The following FOXP3 variants were observed in gnomAD, a reference collection of about 807,000 sequenced individuals.
FOXP3 encodes the protein forkhead box P3.
A neutral mutation model predicts 31.2 loss-of-function variants in FOXP3; 5 were observed. That is an observed-to-expected ratio of 0.16 (90% CI 0.08 to 0.34). The LOEUF (loss-of-function observed/expected upper bound fraction) is 0.34. Among genes scored for constraint, FOXP3 ranks in the 10% least tolerant of loss-of-function variants. FOXP3 has a pLI of 1.00. For missense variants in FOXP3, 251 were observed against 363.0 expected, an observed-to-expected ratio of 0.69 and a Z score of 2.51; for synonymous variants, 141 against 148.8, an observed-to-expected ratio of 0.95 and a Z score of 0.38.
At chrX:49,262,241 A>G (rs988269903) in intron 1 of FOXP3, among the ~76,000 whole-genome samples, 50 of 112,637 alleles carry the variant, frequency 4.4e-4, no homozygotes, top group Admixed American at 4.0e-3. Context: ...AAAGAAGGGC[A>G]AGGTGCCAGG....
Position 49,257,707 on chromosome X carries a change from T to G in FOXP3, c.272A>C (p.His91Pro), listed in dbSNP as rs1304549886. Reference protein sequence around the residue: ...PSGARLGPLPHLQALLQDRPH... With the variant: ...PSGARLGPLPPLQALLQDRPH... Reference sequence around the variant, plus strand: ...CCTGTCCTGGAGGAGTGCCTGTAAGTGGGGCAAGGGGCCCAGCCGTGCCCC... The same window carrying G: ...CCTGTCCTGGAGGAGTGCCTGTAAGGGGGGCAAGGGGCCCAGCCGTGCCCC... The change falls in exon 3 of 12, where the codon CAC becomes CCC. Residue 91 changes from histidine to proline, a missense_variant. Coordinates refer to ENST00000376207, the MANE Select transcript of FOXP3 (RefSeq NM_014009.4). The G allele has an allele frequency of 7.6e-6, 9 of 1,180,876 alleles. No individual in the cohort carries two copies. Among genetic ancestry groups the G allele is most frequent in the Non-Finnish European group, 1.0e-5 (9 of 879,296 alleles).
chrX:49,250,815 G>A lies in FOXP3; in HGVS notation c.*519C>T, dbSNP rs1451441935. On this transcript the variant is annotated 3_prime_UTR_variant, in exon 12 of 12. Coordinates refer to ENST00000376207, the MANE Select transcript of FOXP3 (RefSeq NM_014009.4). The stretch of plus-strand genomic sequence containing the variant: ...TTGACAGTGCCCCTGTGGGCCCTGA[G>A]GCTGGCTGTGGGTGCGTGCCTTGGG... 1.3e-5 allele frequency: 3 copies of A among 229,784 alleles called. No homozygotes were observed. The highest frequency in any genetic ancestry group is 2.4e-5 in the Non-Finnish European group (3 of 125,857). 18.9% of individuals were successfully genotyped at this position (229,784 alleles called of 1,213,427 possible).
chrX:49,256,878 G>T, intron 5 of FOXP3, 23 bp from the exon 6 acceptor site: 1 of 1,207,574 alleles, frequency 8.3e-7, no homozygotes, highest in Non-Finnish European at 1.1e-6. Flanking sequence ...AGGGTGTCAG[G>T]GGAGGGGATA....
In FOXP3 at chrX:49,250,514, C is replaced by T. The variant is rs782009113; in HGVS notation, c.*820G>A. The T allele has an allele frequency of 8.6e-6, 4 of 467,227 alleles. No homozygotes were observed. The South Asian group carries it at 1.0e-4, about 12-fold the overall frequency. The allele number at this position is 467,227 out of a possible 1,213,427, so 38.5% of individuals were successfully genotyped here. The stretch of plus-strand genomic sequence containing the variant: ...TGGATCCCAAATAAATGAGTAGTTC[C>T]TCTGCAGTCTAAGCTGAGGCATGGA... On this transcript the variant is annotated 3_prime_UTR_variant, in exon 12 of 12. Transcript: ENST00000376207.
intron 9 of FOXP3, 25 bp from the exon 10 acceptor site, chrX:49,253,227 A>G (rs2066045566): frequency 8.6e-7 from 1 of 1,167,703 alleles, no homozygotes; most frequent in Non-Finnish European, 1.2e-6. Context: ...GGATGAATCA[A>G]GCCCCATGCA....
chrX:49,258,673 C>A, intron 1 of FOXP3, 146 bp from the exon 2 acceptor site: 1 of 399,736 alleles, frequency 2.5e-6, no homozygotes, highest in Non-Finnish European at 4.3e-6. Flanking sequence ...CACCCCAGCT[C>A]TAGACACACA....
intron 4 of FOXP3, 151 bp from the exon 5 acceptor site, chrX:49,257,163 G>C (rs2066079558): frequency 1.0e-5 from 6 of 574,779 alleles, no homozygotes; most frequent in Non-Finnish European, 1.4e-5. Flanking sequence ...CCAGGCTTCT[G>C]GCAGAGAAGC....
intron 8 of FOXP3, among the ~76,000 whole-genome samples, chrX:49,254,768 G>C (rs1318428456): frequency 9.0e-6 from 1 of 111,470 alleles, no homozygotes; most frequent in Non-Finnish European, 1.9e-5. Flanking sequence ...ATGTGGTTAT[G>C]TGGCACCCTG....
Position 49,250,920 on chromosome X carries a change from G to A in FOXP3, c.*414C>T, listed in dbSNP as rs1329676536. On this transcript the variant is annotated 3_prime_UTR_variant, in exon 12 of 12. Transcript: ENST00000376207. ...GAGGTTGTTTGAGTGTACTGAGGCA[G>A]GCTCTCTGTGTTTTGGGGTTTGTGT... 8.2e-6 allele frequency: 2 copies of A among 243,388 alleles called. No homozygotes were observed. The highest frequency in any genetic ancestry group is 5.7e-5 in the African/African-American group (2 of 35,110). 20.1% of individuals were successfully genotyped at this position (243,388 alleles called of 1,213,427 possible).
At chrX:49,257,332 A>G in intron 4 of FOXP3, 95 bp downstream of exon 4, 3 of 1,059,762 alleles carry the variant, frequency 2.8e-6, no homozygotes, top group Non-Finnish European at 3.7e-6. Flanking sequence ...TGACCCCCAG[A>G]GTACTGCAAT....
chrX:49,253,316 G>A (rs2066046153), intron 9 of FOXP3, 114 bp from the exon 10 acceptor site: 1 of 578,552 alleles, frequency 1.7e-6, no homozygotes, highest in South Asian at 2.6e-5. Context: ...CAACACCCGT[G>A]TCCACGGGCA....
rs782628979 is a variant in FOXP3, at chrX:49,257,725, C to T, written c.254G>A (p.Arg85Gln). The part of the protein sequence containing the change: ...PLVMVAPSGA[R>Q]LGPLPHLQAL... The stretch of plus-strand genomic sequence containing the variant: ...CTGTAAGTGGGGCAAGGGGCCCAGC[C>T]GTGCCCCGGAGGGTGCCACCATGAC... Residue 85 changes from arginine to glutamine, a missense_variant, in exon 3 of 12, where the codon CGG becomes CAG. Coordinates refer to ENST00000376207, the MANE Select transcript of FOXP3 (RefSeq NM_014009.4). 89 of 1,175,392 alleles carry T rather than the reference C, an allele frequency of 7.6e-5. No homozygotes were observed. The highest frequency in any genetic ancestry group is 9.0e-5 in the Non-Finnish European group (79 of 876,823).
chrX:49,264,631 C>A, intron 1 of FOXP3, 30 bp downstream of exon 1: 2 of 750,077 alleles, frequency 2.7e-6, no homozygotes, highest in Non-Finnish European at 3.1e-6. Flanking sequence ...ATGGGGCCCA[C>A]ATCTGGTAGG....
Position 49,257,784 on chromosome X carries a change from G to C in FOXP3, c.211-16C>G. 1 of 1,142,465 alleles carries C rather than the reference G, an allele frequency of 8.8e-7. No homozygotes were observed. The highest frequency in any genetic ancestry group is 3.2e-5 in the East Asian group (1 of 30,861). 94.2% of individuals were successfully genotyped at this position (1,142,465 alleles called of 1,213,427 possible). Reference sequence around the variant, plus strand: ...GTGTGGGCAGCTGGGCAGAAAGGCAGGTGGGTGAGAGGCCATCCTGATCCT... The same window carrying C: ...GTGTGGGCAGCTGGGCAGAAAGGCACGTGGGTGAGAGGCCATCCTGATCCT... On this transcript the variant is annotated splice_polypyrimidine_tract_variant and intron_variant, in intron 2 of 11. Transcript: ENST00000376207.
At chrX:49,264,404 A>T (rs1355114274) in intron 1 of FOXP3, among the ~76,000 whole-genome samples, 2 of 112,504 alleles carry the variant, frequency 1.8e-5, no homozygotes, top group African/African-American at 6.5e-5. Flanking sequence ...CAGCTGACAT[A>T]TTTTAAAAAT....
rs55711326 is a variant in FOXP3, at chrX:49,258,375, G to C, written c.131C>G (p.Thr44Ser). ...DLLGARGPGG[T>S]FQGRDLRGGA... is the part of the protein sequence containing the mutation. ...GCCTCGAAGATCTCGGCCCTGGAAG[G>C]TTCCCCCTGGGCCCCGGGCCCCCAG... Residue 44 changes from threonine to serine, a missense_variant, in exon 2 of 12, where the codon ACC becomes AGC. Coordinates refer to ENST00000376207, the MANE Select transcript of FOXP3 (RefSeq NM_014009.4). 18 of 1,166,288 alleles carry C rather than the reference G, an allele frequency of 1.5e-5. No homozygotes were observed. The East Asian group carries it at 5.5e-4, about 36-fold the overall frequency.
At chrX:49,255,569 A>G in intron 7 of FOXP3, 60 bp from the exon 8 acceptor site, 1 of 1,126,388 alleles carries the variant, frequency 8.9e-7, no homozygotes, top group Non-Finnish European at 1.2e-6. Flanking sequence ...ATCTTTGCCC[A>G]GGCTACGGTC....
intron 8 of FOXP3, among the ~76,000 whole-genome samples, chrX:49,255,227 G>A (rs11465473): frequency 3.6e-5 from 4 of 112,560 alleles, no homozygotes; most frequent in Non-Finnish European, 5.6e-5. Context: ...GATTACAGGC[G>A]TGAGCCACCA....
intron 1 of FOXP3, among the ~76,000 whole-genome samples, chrX:49,262,845 A>G (rs2066118161): frequency 9.0e-6 from 1 of 111,517 alleles, no homozygotes; most frequent in Non-Finnish European, 1.9e-5. Context: ...TAAATGGAAA[A>G]AATGAAGCCA....
Sources: gnomAD v4.1 joint callset for allele counts (sites outside exome capture counted in the v4.1 genomes callset) on GRCh38, gnomAD v4.1.1 for gene constraint, MANE v1.5 for transcripts, NCBI Gene and HGNC (gene_info 2026-07-23, HGNC 2026-07-21) for gene names.